The following TSHZ2 variants were observed in gnomAD, a reference collection of about 807,000 sequenced individuals.
TSHZ2 encodes the protein teashirt homolog 2.
Under a neutral mutation model 74.4 loss-of-function variants are expected in TSHZ2, and 21 were observed. The ratio of observed to expected loss-of-function variants is 0.28; its 90% CI spans 0.20 to 0.41. The LOEUF is 0.41. Ranked by LOEUF, TSHZ2 falls within the 10% of genes least tolerant of loss-of-function variation. The pLI, the probability that TSHZ2 is intolerant of heterozygous loss-of-function variation, is 1.00. For synonymous variants in TSHZ2, 540 were observed against 515.3 expected (o/e 1.05, Z -0.65); for missense variants, 1,244 against 1,293.5 (o/e 0.96, Z 0.59).
chr20:53,087,656 T>A (rs754471205), intron 1 of TSHZ2, among the ~76,000 whole-genome samples: 1 of 152,240 alleles, frequency 6.6e-6, no homozygotes, highest in Non-Finnish European at 1.5e-5. Flanking sequence ...GTAAAACTCT[T>A]GGAAAAGACT....
chr20:52,990,984 G>A (rs1383989068), intron 1 of TSHZ2, among the ~76,000 whole-genome samples: 2 of 152,160 alleles, frequency 1.3e-5, no homozygotes, highest in African/African-American at 2.4e-5. Flanking sequence ...TCTGCTGTAG[G>A]TCTCTTTTAT....
intron 2 of TSHZ2, among the ~76,000 whole-genome samples, chr20:53,378,107 G>T (rs530858130): frequency 1.3e-5 from 2 of 152,258 alleles, no homozygotes; most frequent in African/African-American, 2.4e-5. Context: ...TCGGGAGGCC[G>T]AGGCGGGCGA....
chr20:53,316,074 A>T (rs2057349584), intron 2 of TSHZ2, among the ~76,000 whole-genome samples: 1 of 152,220 alleles, frequency 6.6e-6, no homozygotes, highest in Non-Finnish European at 1.5e-5. Flanking sequence ...CAGGATGAAG[A>T]TGTGTGTGAT....
intron 2 of TSHZ2, among the ~76,000 whole-genome samples, chr20:53,472,962 G>A (rs138893227): frequency 0.19 from 28,503 of 151,562 alleles, 2,776 homozygotes; most frequent in East Asian, 0.29. Context: ...CTTAAAAAAC[G>A]GCGCACCACG....
At chr20:53,171,532 C>T (rs1036988983) in intron 1 of TSHZ2, among the ~76,000 whole-genome samples, 1 of 141,638 alleles carries the variant, frequency 7.1e-6, no homozygotes, top group Non-Finnish European at 1.5e-5. Flanking sequence ...ATCCTAAATG[C>T]ATTACCTTCT....
intron 1 of TSHZ2, among the ~76,000 whole-genome samples, chr20:52,997,998 A>G (rs575934141): frequency 5.9e-5 from 9 of 152,134 alleles, no homozygotes; most frequent in Non-Finnish European, 1.2e-4. Context: ...CTTCATCAGA[A>G]TCTGCATTTT....
intron 2 of TSHZ2, among the ~76,000 whole-genome samples, chr20:53,383,688 G>C (rs896135503): frequency 1.3e-5 from 2 of 152,078 alleles, no homozygotes; most frequent in Non-Finnish European, 2.9e-5. Context: ...TTGAACCCTG[G>C]AGGTGGAAGT....
chr20:53,344,800 A>G (rs1264941283), intron 2 of TSHZ2, among the ~76,000 whole-genome samples: 1 of 152,240 alleles, frequency 6.6e-6, no homozygotes, highest in Non-Finnish European at 1.5e-5. Flanking sequence ...TACAACCTTC[A>G]CTTTCTCCCC....
rs1323918168 is a variant in TSHZ2 at position 53,200,121 on chromosome 20, G to T, written c.41-53378G>T. ...ACCAAGACGCTTTGCCAGGGATTGG[G>T]TGCGATTGCCAGAAGCTGCAATGGA... On this transcript the variant is annotated intron_variant, in intron 1 of 2. Coordinates refer to ENST00000371497, the MANE Select transcript of TSHZ2 (RefSeq NM_173485.6). 6.6e-5 allele frequency among the ~76,000 whole-genome samples: 10 copies of T among 152,166 alleles called. No individual in the cohort carries two copies. The East Asian group carries it at 1.9e-3, about 29-fold the overall frequency.
intron 1 of TSHZ2, among the ~76,000 whole-genome samples, chr20:53,089,320 C>CTTTTTTTT: frequency 1.0e-5 from 1 of 100,022 alleles, no homozygotes; most frequent in Non-Finnish European, 2.0e-5. Context: ...ATGGGATTTT[C>CTTTTTTTT]TTTTTTTTTT....
intron 2 of TSHZ2, among the ~76,000 whole-genome samples, chr20:53,354,247 C>T (rs925784227): frequency 3.9e-5 from 6 of 152,238 alleles, no homozygotes; most frequent in Non-Finnish European, 7.4e-5. Flanking sequence ...ATGACAATTT[C>T]GGGAAACATG....
At chr20:53,458,592 T>C (rs1053399476) in intron 2 of TSHZ2, among the ~76,000 whole-genome samples, 18 of 152,164 alleles carry the variant, frequency 1.2e-4, no homozygotes, top group African/African-American at 4.1e-4. Flanking sequence ...AGTTATTTCT[T>C]GCCTTCTGCT....
intron 2 of TSHZ2, among the ~76,000 whole-genome samples, chr20:53,484,284 G>T (rs1212823616): frequency 1.3e-5 from 2 of 152,050 alleles, no homozygotes; most frequent in Non-Finnish European, 2.9e-5. Flanking sequence ...CCTGTCATGA[G>T]CTTGGAAGCT....
At chr20:53,313,367 CATA>C (rs926393816) in intron 2 of TSHZ2, among the ~76,000 whole-genome samples, 1 of 152,166 alleles carries the variant, frequency 6.6e-6, no homozygotes, top group Non-Finnish European at 1.5e-5. Context: ...ATATGAGAAA[CATA>C]ATTTAATCTT....
At chr20:53,188,728 C>T (rs1271438930) in intron 1 of TSHZ2, among the ~76,000 whole-genome samples, 5 of 152,174 alleles carry the variant, frequency 3.3e-5, no homozygotes, top group Admixed American at 6.5e-5. Flanking sequence ...AATAAACATT[C>T]ATACTCTCAT....
At chr20:53,281,563 G>A (rs1418543336) in intron 2 of TSHZ2, among the ~76,000 whole-genome samples, 2 of 152,152 alleles carry the variant, frequency 1.3e-5, no homozygotes, top group African/African-American at 2.4e-5. Flanking sequence ...TAAGTGGAGG[G>A]CCAGATTTGG....
At chr20:53,025,779 G>A (rs1983416206) in intron 1 of TSHZ2, among the ~76,000 whole-genome samples, 1 of 152,144 alleles carries the variant, frequency 6.6e-6, no homozygotes, top group African/African-American at 2.4e-5. Flanking sequence ...AGTGCACACA[G>A]GCCCCCAAAG....
At chr20:53,146,615 G>T (rs1053078278) in intron 1 of TSHZ2, among the ~76,000 whole-genome samples, 3 of 152,168 alleles carry the variant, frequency 2.0e-5, no homozygotes, top group African/African-American at 7.2e-5. Context: ...TTGAGGATGT[G>T]TAATAAATAA....
At chr20:53,137,205 A>T (rs1175882647) in intron 1 of TSHZ2, among the ~76,000 whole-genome samples, 3 of 152,174 alleles carry the variant, frequency 2.0e-5, no homozygotes, top group African/African-American at 7.2e-5. Flanking sequence ...AGATTTACAA[A>T]ATACCAAGAA....
Sources: allele counts gnomAD v4.1 joint callset (sites outside exome capture counted in the v4.1 genomes callset), GRCh38; gene constraint gnomAD v4.1.1; transcripts MANE v1.5; gene names NCBI Gene and HGNC (gene_info 2026-07-23, HGNC 2026-07-21).